DPPA2: variants seen among roughly 807,000 people sequenced by gnomAD.
The protein encoded by DPPA2 is developmental pluripotency associated 2.
A neutral mutation model predicts 36.2 loss-of-function variants in DPPA2; 26 were observed. That is an observed-to-expected ratio of 0.72 (90% confidence interval 0.53 to 1.00). The LOEUF (loss-of-function observed/expected upper bound fraction) is 1.00, where lower values mean the gene tolerates loss of function less well. DPPA2 is among the 50% of genes least tolerant of loss of function. DPPA2 has a pLI of 0.00. For synonymous variants in DPPA2, 113 were observed against 123.2 expected (o/e 0.92, Z 0.55); for missense variants, 361 against 365.1 (o/e 0.99, Z 0.09).
intron 8 of DPPA2, among the ~76,000 whole-genome samples, chr3:109,299,124 G>A (rs534604383): frequency 1.5e-4 from 22 of 151,640 alleles, no homozygotes; most frequent in Non-Finnish European, 2.6e-4. Context: ...CTGGGAGGCT[G>A]AGGCAGGTGG....
Position 109,312,537 on chromosome 3 carries a change from C to T in DPPA2, c.181+8G>A. On this transcript the variant is annotated splice_region_variant and intron_variant, in intron 3 of 8. Transcript: ENST00000478945. Reference sequence around the variant, plus strand: ...GAGTAACTAACTGAGCAATCCCTGTCCTCATACCTGGATTGTATTTCTTAG... The same window carrying T: ...GAGTAACTAACTGAGCAATCCCTGTTCTCATACCTGGATTGTATTTCTTAG... 3 of 1,611,236 alleles carry T rather than the reference C, an allele frequency of 1.9e-6. No homozygotes were observed. Among genetic ancestry groups the T allele is most frequent in the Non-Finnish European group, 2.5e-6 (3 of 1,178,346 alleles).
intron 8 of DPPA2, among the ~76,000 whole-genome samples, chr3:109,296,023 T>A (rs756343102): frequency 5.9e-5 from 9 of 152,064 alleles, no homozygotes; most frequent in Non-Finnish European, 1.2e-4. Context: ...AAAATCTTTT[T>A]AAAAAGAACT....
intron 6 of DPPA2, 32 bp downstream of exon 6, chr3:109,308,000 G>A (rs761891325): frequency 1.2e-6 from 2 of 1,604,866 alleles, no homozygotes; most frequent in African/African-American, 2.7e-5. Context: ...TTGTCCTCTG[G>A]AGTGGGACTC....
At chr3:109,307,743 G>A (rs1707605363) in intron 6 of DPPA2, among the ~76,000 whole-genome samples, 1 of 151,970 alleles carries the variant, frequency 6.6e-6, no homozygotes, top group Non-Finnish European at 1.5e-5. Context: ...AATGCCTTAA[G>A]GAAGAGAGAA....
At chr3:109,306,155 C>A (rs1707560210) in intron 6 of DPPA2, among the ~76,000 whole-genome samples, 1 of 152,176 alleles carries the variant, frequency 6.6e-6, no homozygotes, top group Non-Finnish European at 1.5e-5. Flanking sequence ...GTGTGTTTAG[C>A]ACAGTATATA....
rs371735322 is a variant in DPPA2 at position 109,312,616 on chromosome 3, A to T, written c.110T>A (p.Met37Lys). 654 of 1,613,780 alleles carry T rather than the reference A, an allele frequency of 4.1e-4. 2 individuals carry two copies. Among genetic ancestry groups the T allele is most frequent in the Non-Finnish European group, 5.5e-4 (644 of 1,179,886 alleles). ...AGAAACGCTTGGTTCCATTTGTTCC[A>T]TATTTGCGTCATCTTTAACTGGCAC... The part of the protein sequence containing the change: ...TLVPVKDDAN[M>K]EQMEPSVSST... The change falls in exon 3 of 9, where the codon ATG (methionine) becomes AAG (lysine). Residue 37 changes from methionine (M) to lysine (K), a missense_variant. Coordinates refer to ENST00000478945, the MANE Select transcript of DPPA2 (RefSeq NM_138815.4).
In DPPA2 at chr3:109,296,179, T is replaced by A. The variant is rs552178136; in HGVS notation, c.*23-2175A>T. Among the ~76,000 whole-genome samples the A allele has an allele frequency of 2.6e-5, 4 of 152,020 alleles. No individual in the cohort carries two copies. In the East Asian group the frequency reaches 7.7e-4, roughly 29 times the overall value. Reference sequence around the variant, plus strand: ...ATACAAAACCAGAGATCCAGGAAGCTCAGAGATAGGAAGTAGGATAAACAC... The same window carrying A: ...ATACAAAACCAGAGATCCAGGAAGCACAGAGATAGGAAGTAGGATAAACAC... On this transcript the variant is annotated intron_variant, in intron 8 of 8. Transcript: ENST00000478945.
intron 2 of DPPA2, among the ~76,000 whole-genome samples, chr3:109,313,840 G>A (rs1227779064): frequency 6.6e-6 from 1 of 152,134 alleles, no homozygotes; most frequent in African/African-American, 2.4e-5. Flanking sequence ...CTCTATTACA[G>A]AGAAAAGTAG....
At chr3:109,299,622 G>A (rs1576815921) in intron 8 of DPPA2, among the ~76,000 whole-genome samples, 2 of 151,148 alleles carry the variant, frequency 1.3e-5, no homozygotes, top group African/African-American at 4.9e-5. Context: ...GGAGGCAGGG[G>A]TTGCAGTGAG....
Position 109,304,505 on chromosome 3 carries a change from T to C in DPPA2, c.824A>G (p.Asp275Gly). 1.2e-6 allele frequency: 2 copies of C among 1,613,780 alleles called. No homozygotes were observed. The highest frequency in any genetic ancestry group is 1.7e-6 in the Non-Finnish European group (2 of 1,179,884). The change falls in exon 7 of 9, where the codon GAT (aspartate) becomes GGT (glycine). Residue 275 changes from aspartate to glycine, a missense_variant. Transcript: ENST00000478945. Reference protein sequence around the residue: ...ACIFPSPGIEDNMLCPDCAKR... With the variant: ...ACIFPSPGIEGNMLCPDCAKR... ...AGCACAGTCGGGGCATAACATATTA[T>C]CTTCTATGCCTGGGGATGGGAAAAT... is the stretch of plus-strand genomic sequence containing the variant.
chr3:109,298,672 G>GC (rs1213119863), intron 8 of DPPA2, among the ~76,000 whole-genome samples: 2 of 149,880 alleles, frequency 1.3e-5, no homozygotes, highest in Non-Finnish European at 3.0e-5. Context: ...GCTGAGATCG[G>GC]CGTCACTGCA....
At chr3:109,305,278 C>T (rs957246849) in intron 6 of DPPA2, among the ~76,000 whole-genome samples, 1 of 152,136 alleles carries the variant, frequency 6.6e-6, no homozygotes, top group East Asian at 1.9e-4. Flanking sequence ...CTCTTAAGTA[C>T]ACTATTAATA....
At chr3:109,308,562 A>G (rs1707625467) in intron 5 of DPPA2, among the ~76,000 whole-genome samples, 1 of 152,088 alleles carries the variant, frequency 6.6e-6, no homozygotes, top group South Asian at 2.1e-4. Context: ...GGGTTTCTCC[A>G]TGTTGGTCAG....
At chr3:109,300,542 C>G in intron 7 of DPPA2, 107 bp from the exon 8 acceptor site, 1 of 1,135,310 alleles carries the variant, frequency 8.8e-7, no homozygotes, top group South Asian at 1.3e-5. Context: ...CACTTCTGGG[C>G]CGGGTGTGGT....
intron 7 of DPPA2, among the ~76,000 whole-genome samples, chr3:109,303,738 T>C (rs986868949): frequency 6.6e-6 from 1 of 152,152 alleles, no homozygotes; most frequent in African/African-American, 2.4e-5. Context: ...GTATCTGACA[T>C]GTATTAAAAA....
intron 8 of DPPA2, among the ~76,000 whole-genome samples, chr3:109,296,685 T>A (rs868089013): frequency 0.043 from 1,842 of 42,460 alleles, 41 homozygotes; most frequent in African/African-American, 0.14. Context: ...TCAAAAAAAA[T>A]AATAAAAAAA....
chr3:109,315,573 A>C (rs140267447), intron 1 of DPPA2, among the ~76,000 whole-genome samples: 4 of 152,352 alleles, frequency 2.6e-5, no homozygotes, highest in Non-Finnish European at 5.9e-5. Context: ...CAGAGCAACT[A>C]AAGGAAATTT....
intron 8 of DPPA2, among the ~76,000 whole-genome samples, chr3:109,298,203 GATAA>G (rs1467431156): frequency 1.3e-5 from 2 of 152,146 alleles, no homozygotes; most frequent in Non-Finnish European, 2.9e-5. Flanking sequence ...CACTATGTTG[GATAA>G]ATGTCATTTT....
intron 8 of DPPA2, among the ~76,000 whole-genome samples, chr3:109,298,871 C>A (rs60496542): frequency 0.089 from 13,420 of 151,428 alleles, 1,308 homozygotes; most frequent in African/African-American, 0.24. Flanking sequence ...CGGTGAAACC[C>A]GTCCTCTACC....
Sources: gnomAD v4.1 joint callset for allele counts (sites outside exome capture counted in the v4.1 genomes callset) on GRCh38, gnomAD v4.1.1 for gene constraint, MANE v1.5 for transcripts, NCBI Gene and HGNC (gene_info 2026-07-23, HGNC 2026-07-21) for gene names.